Variants in NAALADL2 observed in about 807,000 individuals in gnomAD.
NAALADL2 encodes the protein inactive N-acetylated-alpha-linked acidic dipeptidase-like protein 2.
A neutral mutation model predicts 87.2 loss-of-function variants in NAALADL2; 76 were observed. That is an observed-to-expected ratio of 0.87 (90% confidence interval 0.72 to 1.05). The LOEUF (loss-of-function observed/expected upper bound fraction) is 1.05. Ranked by LOEUF, NAALADL2 falls within the 50% of genes least tolerant of loss-of-function variation. The pLI, the probability that NAALADL2 is intolerant of heterozygous loss-of-function variation, is 0.00. For missense variants in NAALADL2, 1,089 were observed against 945.8 expected (o/e 1.15, Z -1.99); for synonymous variants, 354 against 331.0 (o/e 1.07, Z -0.75).
intron 10 of NAALADL2, among the ~76,000 whole-genome samples, chr3:175,591,802 A>G (rs879662370): frequency 0.23 from 4,289 of 18,432 alleles, 261 homozygotes; most frequent in African/African-American, 0.32. Flanking sequence ...ATATATATAT[A>G]TATATATATA....
intron 5 of NAALADL2, among the ~76,000 whole-genome samples, chr3:175,330,084 A>G (rs1377168429): frequency 6.6e-6 from 1 of 152,188 alleles, no homozygotes; most frequent in Admixed American, 6.6e-5. Flanking sequence ...ATCAATAGAG[A>G]CAATCAGTTT....
chr3:174,592,959 T>TAG (rs1183915587), intron 2 of NAALADL2, among the ~76,000 whole-genome samples: 11 of 151,666 alleles, frequency 7.3e-5, no homozygotes, highest in Admixed American at 2.6e-4. Context: ...AAGGAAGAGG[T>TAG]AGAGAGAGAG....
At chr3:175,711,291 G>A (rs1024036944) in intron 11 of NAALADL2, among the ~76,000 whole-genome samples, 1 of 151,660 alleles carries the variant, frequency 6.6e-6, no homozygotes, top group Non-Finnish European at 1.5e-5. Context: ...TCTTTTACAG[G>A]TTCAATTAAA....
At chr3:175,771,139 CTTTTA>C (rs749303528) in intron 13 of NAALADL2, among the ~76,000 whole-genome samples, 4 of 152,102 alleles carry the variant, frequency 2.6e-5, no homozygotes, top group Admixed American at 6.5e-5. Context: ...AATGTTTGCC[CTTTTA>C]TTTTATGTAT....
chr3:175,591,824 A>G (rs1333267853), intron 10 of NAALADL2, among the ~76,000 whole-genome samples: 10 of 108,748 alleles, frequency 9.2e-5, no homozygotes, highest in East Asian at 2.8e-4. Flanking sequence ...ATATATATAT[A>G]TATGTATGAA....
At chr3:175,231,969 TAAC>T (rs754264993) in intron 2 of NAALADL2, among the ~76,000 whole-genome samples, 5 of 151,900 alleles carry the variant, frequency 3.3e-5, no homozygotes, top group Admixed American at 1.3e-4. Context: ...ACAGATAAAG[TAAC>T]AACAACAACA....
chr3:174,615,786 A>C (rs2108652877), intron 2 of NAALADL2, among the ~76,000 whole-genome samples: 1 of 152,148 alleles, frequency 6.6e-6, no homozygotes, highest in Middle Eastern at 3.4e-3. Context: ...TTTAACTATA[A>C]ATTTTAAAGT....
In NAALADL2 at chr3:175,429,747, A is replaced by G. The variant is rs1456807198; in HGVS notation, c.1091-17482A>G. On this transcript the variant is annotated intron_variant, in intron 5 of 13. Transcript: ENST00000454872. Reference sequence around the variant, plus strand: ...ATTAGAATACTATTAGAATTATGGAATACTATGCAACATCCACAAAGAATA... The same window carrying G: ...ATTAGAATACTATTAGAATTATGGAGTACTATGCAACATCCACAAAGAATA... 5.3e-5 allele frequency among the ~76,000 whole-genome samples: 8 copies of G among 152,016 alleles called. No individual in the cohort carries two copies. The East Asian group carries it at 1.3e-3, about 26-fold the overall frequency.
chr3:175,565,634 G>T (rs1560767685), intron 9 of NAALADL2, among the ~76,000 whole-genome samples: 1 of 62,306 alleles, frequency 1.6e-5, no homozygotes, highest in Non-Finnish European at 3.7e-5. Flanking sequence ...CTAATAAAGT[G>T]GCAATTTCTC....
rs1161857833 is a variant in NAALADL2, at chr3:174,602,540, G to GATAATATAATTTGAAAATTATATTT, written c.-115+51904_-115+51928dup. 4.6e-4 allele frequency among the ~76,000 whole-genome samples: 69 copies of GATAATATAATTTGAAAATTATATTT among 150,860 alleles called. 1 individual carries two copies. The highest frequency in any genetic ancestry group is 1.3e-3 in the Admixed American group (19 of 15,130). ...AGTCTGTAGGTTTTTCCAAATATAG[G>GATAATATAATTTGAAAATTATATTT]ATAATATAATTTGAAAATTATATTT... On this transcript the variant is annotated intron_variant, in intron 2 of 3. Coordinates refer to the NAALADL2 transcript ENST00000434257.
At chr3:175,006,894 A>G (rs1359851861) in intron 1 of NAALADL2, among the ~76,000 whole-genome samples, 1 of 151,282 alleles carries the variant, frequency 6.6e-6, no homozygotes, top group Non-Finnish European at 1.5e-5. Flanking sequence ...TCTTATACGT[A>G]TATAGCTTTG....
intron 9 of NAALADL2, among the ~76,000 whole-genome samples, chr3:175,510,172 G>A (rs1252783667): frequency 6.6e-6 from 1 of 152,082 alleles, no homozygotes; most frequent in Non-Finnish European, 1.5e-5. Flanking sequence ...TGCGAGCCGA[G>A]TGAAAGGGGA....
intron 11 of NAALADL2, among the ~76,000 whole-genome samples, chr3:175,685,690 C>T (rs951528028): frequency 3.9e-5 from 6 of 151,976 alleles, no homozygotes; most frequent in Admixed American, 2.0e-4. Flanking sequence ...TAGTTTCCAT[C>T]TGAAGGGCAG....
chr3:174,706,639 A>G (rs1189148041), intron 2 of NAALADL2, among the ~76,000 whole-genome samples: 3 of 152,246 alleles, frequency 2.0e-5, no homozygotes, highest in Admixed American at 6.5e-5. Flanking sequence ...TCTTTAGTTT[A>G]ATTAGATCCC....
intron 1 of NAALADL2, among the ~76,000 whole-genome samples, chr3:174,953,386 C>T (rs1396713329): frequency 1.5e-5 from 2 of 135,388 alleles, no homozygotes; most frequent in African/African-American, 2.8e-5. Flanking sequence ...TTATTAAATA[C>T]CTACTACGTG....
chr3:174,988,922 G>A (rs1329413889), intron 1 of NAALADL2, among the ~76,000 whole-genome samples: 1 of 152,138 alleles, frequency 6.6e-6, no homozygotes, highest in African/African-American at 2.4e-5. Flanking sequence ...GATTTATTTG[G>A]CTCATGGTTC....
In NAALADL2 at chr3:174,522,949, A is replaced by G. The variant is rs1274965740; in HGVS notation, c.-183-27620A>G. On this transcript the variant is annotated intron_variant, in intron 1 of 3. Coordinates refer to the NAALADL2 transcript ENST00000434257. ...ACTCTGTCTCAAAAAAAAAAAAAAAAAAAAAAAAGAAAAAAAACAACAACA... is the reference window on the plus strand; with the variant it reads ...ACTCTGTCTCAAAAAAAAAAAAAAAGAAAAAAAAGAAAAAAAACAACAACA... Among the ~76,000 whole-genome samples the G allele has an allele frequency of 4.8e-4, 72 of 150,722 alleles. No homozygotes were observed. In the East Asian group the frequency reaches 9.2e-3, roughly 19 times the overall value.
chr3:175,186,357 A>G (rs1208442525), intron 2 of NAALADL2, among the ~76,000 whole-genome samples: 1 of 151,966 alleles, frequency 6.6e-6, no homozygotes, highest in Non-Finnish European at 1.5e-5. Context: ...TGACTGCAAA[A>G]CCTTCATCAG....
At chr3:174,474,518 A>G (rs1278983023) in intron 1 of NAALADL2, among the ~76,000 whole-genome samples, 5 of 152,146 alleles carry the variant, frequency 3.3e-5, no homozygotes, top group Admixed American at 2.0e-4. Context: ...AACCTTAACT[A>G]TAAGGGGAGT....
Sources: allele counts gnomAD v4.1 joint callset (sites outside exome capture counted in the v4.1 genomes callset), GRCh38; gene constraint gnomAD v4.1.1; transcripts MANE v1.5; gene names NCBI Gene and HGNC (gene_info 2026-07-23, HGNC 2026-07-21).